The following HDAC9 variants were observed in gnomAD, a reference collection of about 807,000 sequenced individuals.
HDAC9 encodes MEF-2 interacting transcription repressor (MITR) protein.
HDAC9 carries 41 observed loss-of-function variants against 139.4 expected under a neutral mutation model. The observed-to-expected ratio is 0.29, with a 90% confidence interval of 0.23 to 0.38. The LOEUF is 0.38. HDAC9 is among the 10% of genes least tolerant of loss of function. HDAC9 has a pLI of 1.00. For missense variants in HDAC9, 1,147 were observed against 1,297.0 expected (o/e 0.88, Z 1.78); for synonymous variants, 517 against 476.2 (o/e 1.09, Z -1.12).
chr7:18,150,120 C>T (rs1207924568), intron 1 of HDAC9, among the ~76,000 whole-genome samples: 1 of 147,592 alleles, frequency 6.8e-6, no homozygotes, highest in Admixed American at 6.8e-5. Flanking sequence ...AATTCAAAGT[C>T]GGCACGTTCT....
At chr7:18,590,860 T>A (rs1830748864) in intron 4 of HDAC9, among the ~76,000 whole-genome samples, 1 of 149,594 alleles carries the variant, frequency 6.7e-6, no homozygotes, top group Non-Finnish European at 1.5e-5. Flanking sequence ...GCTCTCTAAG[T>A]AAAGCCTTGC....
In HDAC9 at chr7:18,994,233, G is replaced by GAGTT. The variant is rs148744544; in HGVS notation, c.3171-1787_3171-1784dup. 7.9e-3 allele frequency among the ~76,000 whole-genome samples: 1,201 copies of GAGTT among 152,266 alleles called. 23 individuals carry two copies. The highest frequency in any genetic ancestry group is 0.027 in the African/African-American group (1,133 of 41,548). On this transcript the variant is annotated intron_variant, in intron 25 of 25. Transcript: ENST00000686413. ...GGAAAAGATTATCCTGCTGCAGCTT[G>GAGTT]AGTTAGAAATTGGAAAAATCGGTCT... is the stretch of plus-strand genomic sequence containing the variant.
chr7:18,426,936 T>G (rs1384727004), intron 1 of HDAC9, among the ~76,000 whole-genome samples: 1 of 152,210 alleles, frequency 6.6e-6, no homozygotes, highest in Non-Finnish European at 1.5e-5. Context: ...AATAGCACTT[T>G]CAGGGGCTGT....
At chr7:18,117,110 C>T (rs1784045222) in intron 1 of HDAC9, among the ~76,000 whole-genome samples, 1 of 152,072 alleles carries the variant, frequency 6.6e-6, no homozygotes, top group African/African-American at 2.4e-5. Flanking sequence ...AATTGTTTTT[C>T]CCCAAGAGGT....
At chr7:18,326,287 G>A (rs1329980571) in intron 1 of HDAC9, among the ~76,000 whole-genome samples, 1 of 151,872 alleles carries the variant, frequency 6.6e-6, no homozygotes, top group Admixed American at 6.6e-5. Context: ...CTTCAAATAA[G>A]GTATGCTTGA....
chr7:18,225,012 A>G (rs1288640857), intron 2 of HDAC9, among the ~76,000 whole-genome samples: 1 of 152,160 alleles, frequency 6.6e-6, no homozygotes, highest in Non-Finnish European at 1.5e-5. Context: ...ACTTACAGGC[A>G]TAGTTGGCTT....
chr7:18,243,856 C>T (rs1018539820), intron 2 of HDAC9, among the ~76,000 whole-genome samples: 1 of 152,176 alleles, frequency 6.6e-6, no homozygotes, highest in Admixed American at 6.5e-5. Flanking sequence ...AAGATAGATA[C>T]AGCAAGATTA....
At chr7:18,121,754 T>C (rs1784378157) in intron 1 of HDAC9, among the ~76,000 whole-genome samples, 1 of 152,182 alleles carries the variant, frequency 6.6e-6, no homozygotes, top group Non-Finnish European at 1.5e-5. Flanking sequence ...TGTCTTATAC[T>C]AACAAGAGTC....
At chr7:18,856,504 A>G (rs914435353) in intron 21 of HDAC9, among the ~76,000 whole-genome samples, 1 of 152,156 alleles carries the variant, frequency 6.6e-6, no homozygotes, top group African/African-American at 2.4e-5. Flanking sequence ...TTTATAAACT[A>G]TGTAGGTAGA....
At chr7:18,158,021 G>A (rs1325582812) in intron 1 of HDAC9, among the ~76,000 whole-genome samples, 2 of 152,164 alleles carry the variant, frequency 1.3e-5, no homozygotes, top group African/African-American at 4.8e-5. Flanking sequence ...GCAGATAAGT[G>A]TGAATGGCTG....
At chr7:18,380,646 G>C (rs1785352711) in intron 1 of HDAC9, among the ~76,000 whole-genome samples, 1 of 152,184 alleles carries the variant, frequency 6.6e-6, no homozygotes, top group African/African-American at 2.4e-5. Flanking sequence ...TGAGCTGAAA[G>C]GGAGGCCAAA....
At chr7:18,650,430 C>G (rs1175853753) in intron 11 of HDAC9, among the ~76,000 whole-genome samples, 1 of 152,072 alleles carries the variant, frequency 6.6e-6, no homozygotes, top group Non-Finnish European at 1.5e-5. Context: ...AAATTGTGAT[C>G]CACAAATGGT....
intron 21 of HDAC9, among the ~76,000 whole-genome samples, chr7:18,863,153 T>C (rs1230939141): frequency 6.6e-6 from 1 of 152,170 alleles, no homozygotes; most frequent in Non-Finnish European, 1.5e-5. Flanking sequence ...GGAATGGCCT[T>C]TCACTAAAAG....
rs776853117 is a variant in HDAC9, at chr7:18,924,041, T to A, written c.2804-11768T>A. 2.6e-5 allele frequency among the ~76,000 whole-genome samples: 4 copies of A among 151,896 alleles called. 1 individual carries two copies. The South Asian group carries it at 8.3e-4, about 31-fold the overall frequency. On this transcript the variant is annotated intron_variant, in intron 22 of 25. Coordinates refer to ENST00000686413, the MANE Select transcript of HDAC9 (RefSeq NM_178425.4). ...TTATCCATATTGACAGGTTGAATCA[T>A]GGCATTTGTAAAAATGGTGTAGGAT...
intron 1 of HDAC9, among the ~76,000 whole-genome samples, chr7:18,091,603 T>G (rs543416008): frequency 5.3e-4 from 81 of 152,242 alleles, no homozygotes; most frequent in Non-Finnish European, 1.0e-3. Flanking sequence ...GTGTAACACA[T>G]TTCCACAAAT....
intron 2 of HDAC9, among the ~76,000 whole-genome samples, chr7:18,189,828 GT>G (rs1790204670): frequency 1.3e-5 from 2 of 152,240 alleles, no homozygotes; most frequent in Admixed American, 1.3e-4. Flanking sequence ...CCAAAGAAGT[GT>G]TTTTCTCACA....
At chr7:18,183,327 A>T (rs1789648877) in intron 2 of HDAC9, among the ~76,000 whole-genome samples, 1 of 152,168 alleles carries the variant, frequency 6.6e-6, no homozygotes, top group South Asian at 2.1e-4. Context: ...TTTTTTTAAA[A>T]AAAGCCCTTG....
chr7:18,697,216 G>C (rs1419810581), intron 12 of HDAC9, among the ~76,000 whole-genome samples: 1 of 152,164 alleles, frequency 6.6e-6, no homozygotes, highest in African/African-American at 2.4e-5. Flanking sequence ...CATCCTGGCA[G>C]ATGAGATGCT....
intron 1 of HDAC9, among the ~76,000 whole-genome samples, chr7:18,310,095 C>T (rs896774209): frequency 6.6e-6 from 1 of 151,190 alleles, no homozygotes; most frequent in African/African-American, 2.4e-5. Context: ...TTGATAAGTG[C>T]CCAGATAGTG....
Sources: gnomAD v4.1 joint callset for allele counts (sites outside exome capture counted in the v4.1 genomes callset) on GRCh38, gnomAD v4.1.1 for gene constraint, MANE v1.5 for transcripts, NCBI Gene and HGNC (gene_info 2026-07-23, HGNC 2026-07-21) for gene names.